The following SEL1L2 variants were observed in gnomAD, a reference collection of about 807,000 sequenced individuals.
SEL1L2 encodes SEL1L2 adaptor subunit of SYVN1 ubiquitin ligase.
SEL1L2 carries 89 observed loss-of-function variants against 98.8 expected under a neutral mutation model. The ratio of observed to expected loss-of-function variants is 0.90; its 90% CI spans 0.76 to 1.07. SEL1L2 has a LOEUF of 1.07. SEL1L2 is among the 50% of genes least tolerant of loss of function. SEL1L2 has a pLI of 0.00. For synonymous variants in SEL1L2, 262 were observed against 278.5 expected (o/e 0.94, Z 0.59); for missense variants, 788 against 812.0 (o/e 0.97, Z 0.36).
intron 3 of SEL1L2, among the ~76,000 whole-genome samples, chr20:13,930,124 G>A (rs1393134386): frequency 6.6e-6 from 1 of 152,038 alleles, no homozygotes; most frequent in South Asian, 2.1e-4. Flanking sequence ...ACTCCATCCT[G>A]CTCTGTGCCT....
chr20:13,887,634 G>C, intron 8 of SEL1L2, 135 bp downstream of exon 8: 1 of 600,190 alleles, frequency 1.7e-6, no homozygotes, highest in South Asian at 2.4e-5. Context: ...TATGTTAAAA[G>C]AATTGTATTA....
At chr20:13,905,552 G>A (rs1600694420) in intron 5 of SEL1L2, among the ~76,000 whole-genome samples, 1 of 152,024 alleles carries the variant, frequency 6.6e-6, no homozygotes, top group South Asian at 2.1e-4. Flanking sequence ...CTGACCTCAT[G>A]ATCCGCCCTC....
chr20:13,875,462 A>G (rs1266418379), intron 12 of SEL1L2, among the ~76,000 whole-genome samples: 1 of 152,178 alleles, frequency 6.6e-6, no homozygotes, highest in African/African-American at 2.4e-5. Flanking sequence ...CAGAGAGGCT[A>G]AGTAACTTGC....
intron 10 of SEL1L2, among the ~76,000 whole-genome samples, chr20:13,882,804 C>G (rs1041911292): frequency 6.3e-5 from 9 of 142,014 alleles, no homozygotes; most frequent in African/African-American, 2.1e-4. Flanking sequence ...ATAGATAAGT[C>G]AATTTGTCTT....
chr20:13,929,203 A>G (rs2049019878), intron 3 of SEL1L2, among the ~76,000 whole-genome samples: 1 of 152,010 alleles, frequency 6.6e-6, no homozygotes, highest in Non-Finnish European at 1.5e-5. Context: ...CCAGCCCCAC[A>G]ATCGCATAAG....
intron 10 of SEL1L2, among the ~76,000 whole-genome samples, chr20:13,884,714 C>T (rs1449859973): frequency 2.0e-5 from 3 of 151,592 alleles, no homozygotes; most frequent in Non-Finnish European, 4.4e-5. Context: ...TCACCGTGTT[C>T]GCCAGGATGG....
chr20:13,870,239 A>C lies in SEL1L2; in HGVS notation c.1105-36T>G. On this transcript the variant is annotated intron_variant, in intron 12 of 19. Transcript: ENST00000284951. ...TTTATAAAGCCAAGTAAAGTCCCAG[A>C]AGAATTCATGATAAGGAAAATTACT... 7 of 1,520,226 alleles carry C rather than the reference A, an allele frequency of 4.6e-6. No homozygotes were observed. In the Middle Eastern group the frequency reaches 5.2e-4, roughly 113 times the overall value. 94.2% of individuals were successfully genotyped at this position (1,520,226 alleles called of 1,614,324 possible).
At chr20:13,934,446 C>CAT (rs61253591) in intron 2 of SEL1L2, among the ~76,000 whole-genome samples, 41 of 4,080 alleles carry the variant, frequency 0.01, 3 homozygotes, top group East Asian at 0.079. Flanking sequence ...ATATATATTC[C>CAT]ATATATATAT....
At position 13,877,574 on chromosome 20, in the gene SEL1L2, G is replaced by C. The variant is rs751560376; in HGVS notation, c.972C>G (p.Tyr324Ter). 1 of 1,612,646 alleles carries C rather than the reference G, an allele frequency of 6.2e-7. No individual in the cohort carries two copies. The highest frequency in any genetic ancestry group is 2.2e-5 in the East Asian group (1 of 44,878). The stretch of plus-strand genomic sequence containing the variant: ...TCCCGGCCTTTGCTGCCTTTAAGAA[G>C]TAGTGTAATGCTTTCTGGAGAGAAA... ...LDQDYYKALH[Y>*]FLKAAKAGSA... The change falls in exon 11 of 20, where the codon TAC becomes TAG. Residue 324 changes from tyrosine (Y) to a stop codon, truncating the protein, a stop_gained. Coordinates refer to ENST00000284951, the MANE Select transcript of SEL1L2 (RefSeq NM_025229.2). LOFTEE classifies it high-confidence loss of function.
At chr20:13,905,513 A>AC (rs1225796099) in intron 5 of SEL1L2, among the ~76,000 whole-genome samples, 2 of 151,936 alleles carry the variant, frequency 1.3e-5, no homozygotes, top group African/African-American at 4.8e-5. Flanking sequence ...ACAGGGTTTC[A>AC]CCATGTTAGC....
intron 10 of SEL1L2, among the ~76,000 whole-genome samples, chr20:13,884,364 C>T (rs1238666316): frequency 6.6e-6 from 1 of 152,058 alleles, no homozygotes; most frequent in South Asian, 2.1e-4. Flanking sequence ...GGCCTTGAAA[C>T]CACTATCAAA....
intron 14 of SEL1L2, among the ~76,000 whole-genome samples, chr20:13,867,987 G>C (rs1281007896): frequency 6.6e-6 from 1 of 151,962 alleles, no homozygotes; most frequent in Non-Finnish European, 1.5e-5. Flanking sequence ...TGACATGAAG[G>C]ACTTGGTGGG....
intron 2 of SEL1L2, among the ~76,000 whole-genome samples, chr20:13,942,407 G>T (rs866273915): frequency 1.3e-5 from 2 of 152,082 alleles, no homozygotes; most frequent in Non-Finnish European, 1.5e-5. Flanking sequence ...TAGGTCATTG[G>T]TTCTTAAAGT....
rs143408793 is a variant in SEL1L2, at chr20:13,893,664, A to G, written c.550-5152T>C. On this transcript the variant is annotated intron_variant, in intron 5 of 19. Coordinates refer to ENST00000284951, the MANE Select transcript of SEL1L2 (RefSeq NM_025229.2). ...TTGTATTTACACAATAAGATCCATT[A>G]CAGACCAGTTGGACCAAACAGACAT... 1.6e-4 allele frequency among the ~76,000 whole-genome samples: 25 copies of G among 152,334 alleles called. No homozygotes were observed. In the East Asian group the frequency reaches 4.6e-3, roughly 28 times the overall value.
At chr20:13,954,910 T>TC (rs34343265) in intron 2 of SEL1L2, among the ~76,000 whole-genome samples, 1 of 152,188 alleles carries the variant, frequency 6.6e-6, no homozygotes, top group Non-Finnish European at 1.5e-5. Flanking sequence ...CTAATAACAA[T>TC]CCCACTGCTA....
intron 10 of SEL1L2, among the ~76,000 whole-genome samples, chr20:13,879,362 A>T (rs201849401): frequency 2.4e-4 from 37 of 151,968 alleles, no homozygotes; most frequent in East Asian, 1.7e-3. Context: ...ATTAAAAAAA[A>T]TTTTTTTGAG....
intron 17 of SEL1L2, among the ~76,000 whole-genome samples, chr20:13,862,746 G>T (rs1990360634): frequency 1.3e-5 from 2 of 151,950 alleles, no homozygotes; most frequent in Non-Finnish European, 2.9e-5. Context: ...GGAGTGCAGT[G>T]ATGTGATCAC....
At chr20:13,961,680 T>C (rs1307553773) in intron 1 of SEL1L2, among the ~76,000 whole-genome samples, 4 of 152,158 alleles carry the variant, frequency 2.6e-5, no homozygotes, top group African/African-American at 9.7e-5. Context: ...CCATTTCTTA[T>C]GTAAAAGGAA....
intron 1 of SEL1L2, among the ~76,000 whole-genome samples, chr20:13,983,667 A>G (rs1448617183): frequency 6.6e-6 from 1 of 151,920 alleles, no homozygotes; most frequent in Admixed American, 6.6e-5. Flanking sequence ...GATTACAGGC[A>G]TGCACCACCA....
Sources: gnomAD v4.1 joint callset for allele counts (sites outside exome capture counted in the v4.1 genomes callset) on GRCh38, gnomAD v4.1.1 for gene constraint, MANE v1.5 for transcripts, NCBI Gene and HGNC (gene_info 2026-07-23, HGNC 2026-07-21) for gene names.